Variants in SPAG6 observed in about 807,000 individuals in gnomAD.
SPAG6 encodes the protein sperm associated antigen 6, also known as sperm-associated antigen 6.
A neutral mutation model predicts 58.5 loss-of-function variants in SPAG6; 49 were observed. The ratio of observed to expected loss-of-function variants is 0.84; its 90% confidence interval spans 0.67 to 1.06. SPAG6 has a LOEUF of 1.06. Ranked by LOEUF, SPAG6 falls within the 50% of genes least tolerant of loss-of-function variation. The pLI is 0.00. For missense variants in SPAG6, 560 were observed against 611.3 expected (o/e 0.92, Z 0.89); for synonymous variants, 233 against 225.6 (o/e 1.03, Z -0.29).
chr10:22,412,615 G>A (rs11813246), intron 10 of SPAG6: 37,420 of 645,032 alleles, frequency 0.058, 7,303 homozygotes, highest in African/African-American at 0.51. Context: ...TCTGTCTCCA[G>A]GCTGGAGTGC....
intron 9 of SPAG6, among the ~76,000 whole-genome samples, chr10:22,403,446 T>C (rs1439904649): frequency 1.3e-5 from 2 of 152,232 alleles, no homozygotes; most frequent in Non-Finnish European, 2.9e-5. Flanking sequence ...CATCCATGTC[T>C]CTACAAAGGA....
chr10:22,366,536 C>T (rs1443080294), intron 3 of SPAG6, among the ~76,000 whole-genome samples: 2 of 152,132 alleles, frequency 1.3e-5, no homozygotes, highest in Admixed American at 6.6e-5. Context: ...AAATTGTATA[C>T]TTTAAAATGG....
chr10:22,395,110 A>G (rs1052192513), intron 8 of SPAG6, among the ~76,000 whole-genome samples: 4 of 152,118 alleles, frequency 2.6e-5, no homozygotes, highest in African/African-American at 9.7e-5. Context: ...ATAATATTCT[A>G]TTGTATTAAT....
chr10:22,371,353 A>C (rs1246663482), intron 4 of SPAG6, among the ~76,000 whole-genome samples: 2 of 152,070 alleles, frequency 1.3e-5, no homozygotes, highest in Non-Finnish European at 2.9e-5. Context: ...TCCCGGGTTC[A>C]AGTGATTCTC....
chr10:22,384,550 T>A (rs1279054987), intron 4 of SPAG6, among the ~76,000 whole-genome samples: 1 of 152,216 alleles, frequency 6.6e-6, no homozygotes, highest in African/African-American at 2.4e-5. Flanking sequence ...TGTTTGAAGC[T>A]AGGAGAACAA....
At chr10:22,374,676 T>A (rs1199037038) in intron 4 of SPAG6, among the ~76,000 whole-genome samples, 1 of 150,574 alleles carries the variant, frequency 6.6e-6, no homozygotes, top group Non-Finnish European at 1.5e-5. Flanking sequence ...TTTGGGAGGC[T>A]GAAGTGGGAG....
intron 8 of SPAG6, among the ~76,000 whole-genome samples, chr10:22,395,410 T>C (rs1026884374): frequency 6.6e-6 from 1 of 152,206 alleles, no homozygotes; most frequent in Admixed American, 6.5e-5. Context: ...TTATTTTTGA[T>C]TGTAGTCATC....
At chr10:22,362,112 T>G (rs1837060841) in intron 2 of SPAG6, among the ~76,000 whole-genome samples, 1 of 146,016 alleles carries the variant, frequency 6.8e-6, no homozygotes, top group Admixed American at 6.9e-5. Flanking sequence ...TGTAAATATA[T>G]ATAAATATAT....
chr10:22,368,180 T>C (rs1009882181), intron 3 of SPAG6, among the ~76,000 whole-genome samples: 6 of 152,220 alleles, frequency 3.9e-5, no homozygotes, highest in Non-Finnish European at 7.3e-5. Context: ...TGCAGATACA[T>C]AAAATCTCGT....
rs1310147978 is a variant in SPAG6, at chr10:22,368,506, G to A, written c.300G>A (p.Lys100=). 6.2e-7 allele frequency: 1 copy of A among 1,613,356 alleles called. No homozygotes were observed. Among genetic ancestry groups the A allele is most frequent in the Non-Finnish European group, 8.5e-7 (1 of 1,179,716 alleles). ...TTTGACCCTTGTAGCGCTTCTACAA[G>A]AAAGCAGCTGCCTTTGTGTTACGAG... The part of the protein sequence containing the change: ...YSLAEQNRFY[K]KAAAFVLRAV... The change falls in exon 4 of 11, where the codon AAG becomes AAA. Residue 100 remains lysine (K), a synonymous_variant. Transcript: ENST00000376624.
chr10:22,414,382 C>T (rs146184845), intron 10 of SPAG6, among the ~76,000 whole-genome samples: 9 of 152,146 alleles, frequency 5.9e-5, no homozygotes, highest in African/African-American at 1.4e-4. Context: ...TGGTTCTTTC[C>T]GAAGGAGTAC....
chr10:22,348,517 C>A (rs1836629437), intron 2 of SPAG6, among the ~76,000 whole-genome samples: 1 of 152,062 alleles, frequency 6.6e-6, no homozygotes. Flanking sequence ...TCATTTTTCC[C>A]TCCAATATGC....
At chr10:22,403,759 A>G (rs1834476476) in intron 9 of SPAG6, among the ~76,000 whole-genome samples, 1 of 138,158 alleles carries the variant, frequency 7.2e-6, no homozygotes. Flanking sequence ...CAACAGTGTA[A>G]AAGTGTTCCT....
intron 8 of SPAG6, among the ~76,000 whole-genome samples, chr10:22,397,661 G>A (rs1282386212): frequency 1.3e-5 from 2 of 151,992 alleles, no homozygotes; most frequent in African/African-American, 4.8e-5. Flanking sequence ...ATTCAAATAT[G>A]AAGTTAAGAA....
chr10:22,391,598 C>G, intron 7 of SPAG6, 131 bp from the exon 8 acceptor site: 3 of 692,896 alleles, frequency 4.3e-6, no homozygotes, highest in Non-Finnish European at 7.2e-6. Flanking sequence ...CTGTGATGTG[C>G]TCATTTATTG....
At position 22,416,882 on chromosome 10, in the gene SPAG6, T is replaced by G. The variant is rs146997797; in HGVS notation, c.*194T>G. 503 of 435,418 alleles carry G rather than the reference T, an allele frequency of 1.2e-3. 1 individual carries two copies. The highest frequency in any genetic ancestry group is 8.4e-3 in the African/African-American group (423 of 50,492). 27.0% of individuals were successfully genotyped at this position (435,418 alleles called of 1,614,324 possible). Reference sequence around the variant, plus strand: ...TATGTGAGGAACTATTCATGGTCATTCGCATGCATAGGATTTGTTCTACAG... The same window carrying G: ...TATGTGAGGAACTATTCATGGTCATGCGCATGCATAGGATTTGTTCTACAG... On this transcript the variant is annotated 3_prime_UTR_variant, in exon 11 of 11. Coordinates refer to ENST00000376624, the MANE Select transcript of SPAG6 (RefSeq NM_012443.4).
Position 22,345,849 on chromosome 10 carries a change from C to A in SPAG6, c.121+31C>A, listed in dbSNP as rs760134810. ...CCCGGAGCCCGAACCCCCGTCGCCC[C>A]CCGCGCACTGAGTCCCCGACGCCTC... On this transcript the variant is annotated intron_variant, in intron 2 of 10. Coordinates refer to ENST00000376624, the MANE Select transcript of SPAG6 (RefSeq NM_012443.4). The surrounding 1 kb of genome is among the most constrained non-coding windows in gnomAD (Gnocchi z 6.3). 1 of 1,601,118 alleles carries A rather than the reference C, an allele frequency of 6.2e-7. No homozygotes were observed. Among genetic ancestry groups the A allele is most frequent in the East Asian group, 2.3e-5 (1 of 43,856 alleles).
intron 8 of SPAG6, among the ~76,000 whole-genome samples, chr10:22,397,981 C>A (rs973677932): frequency 6.6e-6 from 1 of 152,108 alleles, no homozygotes; most frequent in African/African-American, 2.4e-5. Flanking sequence ...AAGAACTTAA[C>A]ACTCCCCAAT....
intron 2 of SPAG6, among the ~76,000 whole-genome samples, chr10:22,350,614 T>C (rs1326417501): frequency 6.6e-6 from 1 of 152,224 alleles, no homozygotes; most frequent in African/African-American, 2.4e-5. Context: ...ACCTTTGCAC[T>C]TCTGCCTGAA....
Sources: allele counts gnomAD v4.1 joint callset (sites outside exome capture counted in the v4.1 genomes callset), GRCh38; gene constraint gnomAD v4.1.1; non-coding constraint Gnocchi (gnomAD v3.1); transcripts MANE v1.5; gene names NCBI Gene and HGNC (gene_info 2026-07-23, HGNC 2026-07-21).